Variants in PHLPP1 observed in about 807,000 individuals in gnomAD.
PHLPP1 encodes PH domain leucine-rich repeat-containing protein phosphatase 1.
Under a neutral mutation model 117.2 loss-of-function variants are expected in PHLPP1, and 42 were observed. That is an observed-to-expected ratio of 0.36 (90% CI 0.28 to 0.46). PHLPP1 has a LOEUF of 0.46. Ranked by LOEUF, PHLPP1 falls within the 20% of genes least tolerant of loss-of-function variation. The pLI, the probability that PHLPP1 is intolerant of heterozygous loss-of-function variation, is 1.00. For synonymous variants in PHLPP1, 1,042 were observed against 970.7 expected (o/e 1.07, Z -1.37); for missense variants, 2,084 against 2,241.9 (o/e 0.93, Z 1.42).
chr18:62,846,281 G>T (rs1915181531), intron 3 of PHLPP1, among the ~76,000 whole-genome samples: 2 of 150,216 alleles, frequency 1.3e-5, no homozygotes, highest in East Asian at 2.0e-4. Context: ...ATCCTGAGAA[G>T]ATTGCTCTTG....
At chr18:62,874,108 C>T (rs1406939957) in intron 4 of PHLPP1, among the ~76,000 whole-genome samples, 1 of 150,436 alleles carries the variant, frequency 6.6e-6, no homozygotes, top group Non-Finnish European at 1.5e-5. Context: ...CGCTTCAACC[C>T]GAGAGGTGGA....
chr18:62,830,768 G>GTA (rs1266051205), intron 2 of PHLPP1, among the ~76,000 whole-genome samples: 1 of 152,294 alleles, frequency 6.6e-6, no homozygotes, highest in East Asian at 1.9e-4. Context: ...CTACTGGACA[G>GTA]AAAATAGGTA....
intron 1 of PHLPP1, among the ~76,000 whole-genome samples, chr18:62,752,119 C>G (rs1911873864): frequency 6.6e-6 from 1 of 151,928 alleles, no homozygotes; most frequent in African/African-American, 2.4e-5. Flanking sequence ...GCTCTGTTGC[C>G]CAGGCTGGAG....
intron 10 of PHLPP1, among the ~76,000 whole-genome samples, chr18:62,925,860 GA>G (rs1909614237): frequency 6.6e-6 from 1 of 152,134 alleles, no homozygotes; most frequent in Non-Finnish European, 1.5e-5. Flanking sequence ...ATTTTAGAGG[GA>G]TAGTCTGGGA....
chr18:62,863,547 G>T (rs1915688696), intron 4 of PHLPP1, among the ~76,000 whole-genome samples: 1 of 152,174 alleles, frequency 6.6e-6, no homozygotes, highest in South Asian at 2.1e-4. Context: ...CAGTGGGGTA[G>T]ATTATTTATG....
At chr18:62,721,161 G>A (rs1196777881) in intron 1 of PHLPP1, among the ~76,000 whole-genome samples, 4 of 152,166 alleles carry the variant, frequency 2.6e-5, no homozygotes, top group Non-Finnish European at 5.9e-5. Flanking sequence ...CTTGTGAAAT[G>A]TGGATGGTTC....
chr18:62,842,403 G>A (rs554882412), intron 3 of PHLPP1, among the ~76,000 whole-genome samples: 7 of 151,190 alleles, frequency 4.6e-5, no homozygotes, highest in South Asian at 2.1e-4. Flanking sequence ...TTGCTCTGTC[G>A]CTGAGCCTGG....
intron 8 of PHLPP1, among the ~76,000 whole-genome samples, chr18:62,913,074 A>C (rs920460072): frequency 6.6e-5 from 10 of 152,186 alleles, no homozygotes. Context: ...ATGATAATTC[A>C]TCTTCCTGTG....
chr18:62,722,844 TA>T (rs1910963640), intron 1 of PHLPP1, among the ~76,000 whole-genome samples: 1 of 152,204 alleles, frequency 6.6e-6, no homozygotes, highest in Non-Finnish European at 1.5e-5. Context: ...TATATTTAGG[TA>T]ACTGTGAAAT....
chr18:62,861,818 T>G (rs1465396458), intron 4 of PHLPP1, among the ~76,000 whole-genome samples: 9 of 152,222 alleles, frequency 5.9e-5, no homozygotes, highest in Admixed American at 5.9e-4. Flanking sequence ...ATACCAAAAC[T>G]TGACAAGTGG....
chr18:62,969,442 T>C (rs1457404461), intron 14 of PHLPP1, among the ~76,000 whole-genome samples: 4 of 152,210 alleles, frequency 2.6e-5, no homozygotes, highest in Admixed American at 1.3e-4. Flanking sequence ...GTCCAGAATC[T>C]TACCTATCTT....
chr18:62,899,212 G>T (rs1307326367), intron 6 of PHLPP1, among the ~76,000 whole-genome samples: 12 of 152,150 alleles, frequency 7.9e-5, no homozygotes, highest in Admixed American at 7.9e-4. Flanking sequence ...TAGAAAATAG[G>T]TCTCCTTCAC....
At chr18:62,760,046 T>G (rs1000452800) in intron 1 of PHLPP1, among the ~76,000 whole-genome samples, 5 of 152,218 alleles carry the variant, frequency 3.3e-5, no homozygotes, top group African/African-American at 4.8e-5. Flanking sequence ...TTAGAAATGA[T>G]AGTAGTGCCC....
rs1235123052 is a variant in PHLPP1 at position 62,716,820 on chromosome 18, C to G, written c.1137C>G (p.Leu379=). The change falls in exon 1 of 17, where the codon CTC becomes CTG. Residue 379 remains leucine, a synonymous_variant. Coordinates refer to ENST00000262719, the MANE Select transcript of PHLPP1 (RefSeq NM_194449.4). The surrounding 1 kb of genome is among the most constrained non-coding windows in gnomAD (Gnocchi z 5.7). The part of the protein sequence containing the change: ...GGGSSSSSEE[L]EADAASAPTG... ...GCTCCTCGTCGTCGTCGGAAGAGCT[C>G]GAGGCCGACGCAGCCTCGGCCCCGA... is the stretch of plus-strand genomic sequence containing the variant. The G allele has an allele frequency of 6.6e-7, 1 of 1,526,610 alleles. No individual in the cohort carries two copies. Among genetic ancestry groups the G allele is most frequent in the Admixed American group, 2.0e-5 (1 of 50,260 alleles). The allele number at this position is 1,526,610 out of a possible 1,614,324, so 94.6% of individuals were successfully genotyped here.
rs749192392 is a variant in PHLPP1, at chr18:62,826,311, C to G, written c.1577-3724C>G. 2.2e-4 allele frequency: 82 copies of G among 372,190 alleles called. 1 individual carries two copies. Among genetic ancestry groups the G allele is most frequent in the Non-Finnish European group, 3.9e-4 (73 of 188,802 alleles). 23.1% of individuals were successfully genotyped at this position (372,190 alleles called of 1,614,324 possible). ...TACATTTGTTAGAAAATAAGCTGAC[C>G]TTGGGGAATGACTTATTTTATTATT... On this transcript the variant is annotated intron_variant, in intron 1 of 16. Coordinates refer to ENST00000262719, the MANE Select transcript of PHLPP1 (RefSeq NM_194449.4).
At chr18:62,889,711 T>G (rs780349438) in intron 4 of PHLPP1, 37 of 152,264 alleles carry the variant, frequency 2.4e-4, no homozygotes, top group Admixed American at 2.4e-3. Context: ...AAGGTTGGTG[T>G]GCAGGGTAAG....
At chr18:62,865,128 A>G (rs1049186996) in intron 4 of PHLPP1, among the ~76,000 whole-genome samples, 1 of 152,216 alleles carries the variant, frequency 6.6e-6, no homozygotes, top group African/African-American at 2.4e-5. Context: ...GTTTGAAACC[A>G]GCCTGTCAAT....
At chr18:62,834,771 C>T (rs1230195569) in intron 2 of PHLPP1, among the ~76,000 whole-genome samples, 3 of 152,164 alleles carry the variant, frequency 2.0e-5, no homozygotes, top group Non-Finnish European at 2.9e-5. Context: ...TAAACCATCA[C>T]GGCAACCAGG....
chr18:62,845,160 C>T (rs1915148926), intron 3 of PHLPP1, among the ~76,000 whole-genome samples: 1 of 152,114 alleles, frequency 6.6e-6, no homozygotes, highest in South Asian at 2.1e-4. Flanking sequence ...TTCAGGCCTC[C>T]TGGAGGGCCA....
Sources: gnomAD v4.1 joint callset for allele counts (sites outside exome capture counted in the v4.1 genomes callset) on GRCh38, gnomAD v4.1.1 for gene constraint, Gnocchi (gnomAD v3.1) non-coding constraint, MANE v1.5 for transcripts, NCBI Gene and HGNC (gene_info 2026-07-23, HGNC 2026-07-21) for gene names.